The following COBL variants were observed in gnomAD, a reference collection of about 807,000 sequenced individuals.
COBL encodes the protein cordon-bleu WH2 repeat protein, also known as protein cordon-bleu.
In COBL, 51 loss-of-function variants were observed where a neutral mutation model predicts 98.8. The observed-to-expected ratio is 0.52, with a 90% CI of 0.41 to 0.65. COBL has a LOEUF of 0.65. Among genes scored for constraint, COBL ranks in the 30% least tolerant of loss-of-function variants. The pLI, the probability that COBL is intolerant of heterozygous loss-of-function variation, is 0.00. For synonymous variants in COBL, 634 were observed against 651.7 expected (o/e 0.97, Z 0.41); for missense variants, 1,617 against 1,617.5 (o/e 1.00, Z 0.01).
At chr7:51,108,707 C>T (rs997221938) in intron 6 of COBL, among the ~76,000 whole-genome samples, 1 of 152,104 alleles carries the variant, frequency 6.6e-6, no homozygotes, top group Admixed American at 6.5e-5. Context: ...AAGTGGAGGT[C>T]CCAGGCAGGA....
intron 5 of COBL, among the ~76,000 whole-genome samples, chr7:51,141,617 T>C (rs1040806067): frequency 6.6e-6 from 1 of 151,784 alleles, no homozygotes; most frequent in East Asian, 1.9e-4. Context: ...CTGCCCCCTT[T>C]TGAAAGGCTT....
intron 5 of COBL, among the ~76,000 whole-genome samples, chr7:51,155,340 A>C (rs569862607): frequency 6.6e-6 from 1 of 152,284 alleles, no homozygotes; most frequent in African/African-American, 2.4e-5. Flanking sequence ...CTGTAATCCC[A>C]GCACTTTGGG....
At chr7:51,316,398 C>G (rs886616728) in intron 1 of COBL, 195 bp downstream of exon 1, 1 of 366,808 alleles carries the variant, frequency 2.7e-6, no homozygotes, top group African/African-American at 2.1e-5. Context: ...GACCCGGGTG[C>G]CCAAAGTACA....
At chr7:51,189,159 CT>C (rs1563014713) in intron 4 of COBL, among the ~76,000 whole-genome samples, 1 of 152,022 alleles carries the variant, frequency 6.6e-6, no homozygotes. Context: ...TGTCAGAGTA[CT>C]TTTTTTGAAG....
chr7:51,311,926 GA>G (rs1451913719), intron 1 of COBL, among the ~76,000 whole-genome samples: 13 of 145,696 alleles, frequency 8.9e-5, no homozygotes, highest in Admixed American at 2.1e-4. Flanking sequence ...TAAGGTAACT[GA>G]AAAAAAAAAC....
At chr7:51,030,685 T>G (rs982741289) in intron 9 of COBL, 127 bp downstream of exon 9, 8 of 667,328 alleles carry the variant, frequency 1.2e-5, no homozygotes, top group Non-Finnish European at 2.1e-5. Context: ...TTCACCAAAC[T>G]GACCTGGAAT....
intron 5 of COBL, among the ~76,000 whole-genome samples, chr7:51,169,313 C>T (rs917132272): frequency 2.8e-4 from 42 of 152,104 alleles, no homozygotes; most frequent in Admixed American, 1.7e-3. Context: ...GTGAATCTTA[C>T]GTGTACTGAT....
rs1794192852 is a variant in COBL at position 51,085,933 on chromosome 7, A to G, written c.958-629T>C. Reference sequence around the variant, plus strand: ...ACATTAGCCCCCAACCACAGCAGAAATCCAGCTCCTGCTCACAGCTTTCAA... The same window carrying G: ...ACATTAGCCCCCAACCACAGCAGAAGTCCAGCTCCTGCTCACAGCTTTCAA... On this transcript the variant is annotated intron_variant, in intron 6 of 12. Coordinates refer to ENST00000265136, the MANE Select transcript of COBL (RefSeq NM_015198.5). 2.0e-5 allele frequency among the ~76,000 whole-genome samples: 3 copies of G among 152,170 alleles called. No homozygotes were observed. The South Asian group carries it at 6.2e-4, about 31-fold the overall frequency.
intron 6 of COBL, among the ~76,000 whole-genome samples, chr7:51,128,098 G>A (rs948908720): frequency 1.3e-5 from 2 of 152,150 alleles, no homozygotes; most frequent in Non-Finnish European, 2.9e-5. Flanking sequence ...CCTTGATGGC[G>A]ACACCTTCTT....
intron 2 of COBL, among the ~76,000 whole-genome samples, chr7:51,212,625 A>G (rs1271721735): frequency 6.6e-6 from 1 of 152,174 alleles, no homozygotes; most frequent in African/African-American, 2.4e-5. Context: ...AATCATTCCT[A>G]CAGTCCCCCT....
At chr7:51,266,748 C>T (rs1798246706) in intron 1 of COBL, among the ~76,000 whole-genome samples, 1 of 152,124 alleles carries the variant, frequency 6.6e-6, no homozygotes, top group Non-Finnish European at 1.5e-5. Flanking sequence ...GACACAAGCA[C>T]CCACACACAG....
chr7:51,275,037 T>C (rs60550289), intron 1 of COBL, among the ~76,000 whole-genome samples: 2,364 of 152,300 alleles, frequency 0.016, 50 homozygotes, highest in African/African-American at 0.052. Context: ...TGCCTGAACC[T>C]CCATCTTCCA....
At chr7:51,081,625 G>A (rs1793676275) in intron 7 of COBL, among the ~76,000 whole-genome samples, 2 of 152,130 alleles carry the variant, frequency 1.3e-5, no homozygotes, top group African/African-American at 4.8e-5. Flanking sequence ...AGAAAGCGAG[G>A]GTCTGCAAGT....
intron 1 of COBL, among the ~76,000 whole-genome samples, chr7:51,253,161 T>G (rs1451636292): frequency 1.3e-5 from 2 of 151,886 alleles, no homozygotes; most frequent in South Asian, 4.2e-4. Context: ...GAGGCGGAGG[T>G]TGCAGTAAGC....
intron 1 of COBL, among the ~76,000 whole-genome samples, chr7:51,276,942 G>C (rs944601378): frequency 2.6e-5 from 4 of 152,192 alleles, no homozygotes; most frequent in African/African-American, 7.2e-5. Context: ...ATGTAGGAGA[G>C]GGCACCACAG....
intron 12 of COBL, among the ~76,000 whole-genome samples, chr7:51,021,774 A>G (rs1786963834): frequency 6.6e-6 from 1 of 152,238 alleles, no homozygotes; most frequent in Non-Finnish European, 1.5e-5. Context: ...GCATAGCAGA[A>G]AAGTGCCATC....
chr7:51,053,489 A>G (rs888625916), intron 7 of COBL, among the ~76,000 whole-genome samples: 1 of 152,240 alleles, frequency 6.6e-6, no homozygotes, highest in Non-Finnish European at 1.5e-5. Flanking sequence ...TAAATTCTCA[A>G]TAATATAATC....
intron 6 of COBL, among the ~76,000 whole-genome samples, chr7:51,134,296 G>T (rs1326906388): frequency 6.6e-6 from 1 of 152,190 alleles, no homozygotes; most frequent in Non-Finnish European, 1.5e-5. Flanking sequence ...TGGTTTCCAT[G>T]AGCCAATTTC....
At chr7:51,194,867 T>G (rs1014478841) in intron 2 of COBL, among the ~76,000 whole-genome samples, 5 of 151,300 alleles carry the variant, frequency 3.3e-5, no homozygotes, top group Admixed American at 6.6e-5. Context: ...ATGGGTTTTG[T>G]TTTTTTTTCT....
Sources: allele counts gnomAD v4.1 joint callset (sites outside exome capture counted in the v4.1 genomes callset), GRCh38; gene constraint gnomAD v4.1.1; transcripts MANE v1.5; gene names NCBI Gene and HGNC (gene_info 2026-07-23, HGNC 2026-07-21).